RORA: variants seen among roughly 807,000 people sequenced by gnomAD.
RORA encodes the protein RAR related orphan receptor A.
In RORA, 7 loss-of-function variants were observed where a neutral mutation model predicts 69.5. The ratio of observed to expected loss-of-function variants is 0.10; its 90% confidence interval spans 0.06 to 0.19. RORA has a LOEUF of 0.19. RORA is among the 10% of genes least tolerant of loss of function. The probability of loss-of-function intolerance (pLI) is 1.00; values close to 1 mark genes in which losing one functional copy is unlikely to be tolerated. For missense variants in RORA, 457 were observed against 663.0 expected, an observed-to-expected ratio of 0.69 and a Z score of 3.41; for synonymous variants, 261 against 240.8, an observed-to-expected ratio of 1.08 and a Z score of -0.78.
At chr15:60,683,647 T>TACACACACACACAC (rs59854874) in intron 1 of RORA, among the ~76,000 whole-genome samples, 3,036 of 148,694 alleles carry the variant, frequency 0.02, 45 homozygotes, top group African/African-American at 0.045. Flanking sequence ...CAGATACACA[T>TACACACACACACAC]ACACACACAC....
chr15:61,208,946 G>C lies in RORA; in HGVS notation c.166+20107C>G, dbSNP rs141796754. Among the ~76,000 whole-genome samples, 12 of 152,258 alleles carry C rather than the reference G, an allele frequency of 7.9e-5. No individual in the cohort carries two copies. In the East Asian group the frequency reaches 2.3e-3, roughly 29 times the overall value. ...ATCATACTGGATAACCCATGATTTG[G>C]TTATTCTCTGCTTGCGTTAGTACTT... On this transcript the variant is annotated intron_variant, in intron 1 of 10. Coordinates refer to ENST00000335670, the MANE Select transcript of RORA (RefSeq NM_134261.3).
intron 3 of RORA, among the ~76,000 whole-genome samples, chr15:60,516,184 TTTA>T (rs2065932217): frequency 3.6e-5 from 1 of 28,042 alleles, no homozygotes; most frequent in Non-Finnish European, 5.5e-5. Context: ...TATATATATA[TTTA>T]TATATATATT....
chr15:61,080,492 A>G (rs762732018), intron 1 of RORA, among the ~76,000 whole-genome samples: 25 of 152,212 alleles, frequency 1.6e-4, no homozygotes, highest in Non-Finnish European at 2.6e-4. Context: ...GAATGGATGA[A>G]TGCAAATAGA....
chr15:61,198,343 T>C (rs1435819129), intron 1 of RORA, among the ~76,000 whole-genome samples: 2 of 152,148 alleles, frequency 1.3e-5, no homozygotes, highest in Non-Finnish European at 2.9e-5. Context: ...TCTAGGAAGA[T>C]AACCTAGATC....
At chr15:61,044,068 G>T (rs374430913) in intron 1 of RORA, among the ~76,000 whole-genome samples, 5 of 151,996 alleles carry the variant, frequency 3.3e-5, no homozygotes, top group African/African-American at 1.2e-4. Context: ...GGTTTAAAGA[G>T]ATTCCATTTT....
chr15:60,755,141 C>G (rs569654326), intron 1 of RORA, among the ~76,000 whole-genome samples: 28 of 126,516 alleles, frequency 2.2e-4, no homozygotes, highest in Non-Finnish European at 4.5e-4. Context: ...CCCCTCCCCC[C>G]ACCCCACAAC....
intron 1 of RORA, among the ~76,000 whole-genome samples, chr15:61,137,072 A>AAAGAAAGAAAGAAAGG: frequency 6.7e-6 from 1 of 149,448 alleles, no homozygotes; most frequent in Non-Finnish European, 1.5e-5. Flanking sequence ...AGAAAGAAAG[A>AAAGAAAGAAAGAAAGG]AAGAAAGAAA....
chr15:61,070,537 T>C (rs906772317), intron 1 of RORA, among the ~76,000 whole-genome samples: 1 of 152,210 alleles, frequency 6.6e-6, no homozygotes, highest in Admixed American at 6.5e-5. Flanking sequence ...TTGGACAGAT[T>C]TTTTCCACGG....
intron 1 of RORA, among the ~76,000 whole-genome samples, chr15:61,017,521 A>G (rs1555402045): frequency 6.6e-6 from 1 of 152,204 alleles, no homozygotes; most frequent in Non-Finnish European, 1.5e-5. Flanking sequence ...CTTAAAAAAA[A>G]GATGTACATA....
chr15:61,196,875 G>A (rs2079850316), intron 1 of RORA, among the ~76,000 whole-genome samples: 1 of 152,218 alleles, frequency 6.6e-6, no homozygotes, highest in African/African-American at 2.4e-5. Context: ...TGAGCACCGT[G>A]TTTGGATTAG....
At chr15:60,571,557 GCT>G (rs1369257556) in intron 2 of RORA, among the ~76,000 whole-genome samples, 1 of 152,124 alleles carries the variant, frequency 6.6e-6, no homozygotes, top group Non-Finnish European at 1.5e-5. Context: ...TTACATCTGA[GCT>G]CTCTGTGGCA....
chr15:60,511,680 C>T lies in RORA; in HGVS notation c.425-59G>A, dbSNP rs1370374309. ...ATGCGCTTTTCTTCAATATTCTCTC[C>T]TGCGAGCTTTGGGGTTTCCTTTGAA... On this transcript the variant is annotated intron_variant, in intron 4 of 10. Transcript: ENST00000335670. This position sits in a 1 kb window ranked among gnomAD's most constrained non-coding sequence, Gnocchi z 6.4. 3.3e-6 allele frequency: 5 copies of T among 1,504,918 alleles called. No homozygotes were observed. In the Admixed American group the frequency reaches 9.2e-5, roughly 28 times the overall value. 93.2% of individuals were successfully genotyped at this position (1,504,918 alleles called of 1,614,324 possible).
Position 61,131,629 on chromosome 15 carries a change from G to A in RORA, c.166+97424C>T, listed in dbSNP as rs377117847. Among the ~76,000 whole-genome samples the A allele has an allele frequency of 1.8e-4, 28 of 152,310 alleles. No homozygotes were observed. Among genetic ancestry groups the A allele is most frequent in the African/African-American group, 5.3e-4 (22 of 41,562 alleles). ...ACATGTGCTACACTACTGACTATCCGTTAGACAGTGCTTTAAGCACTTTTA... is the reference window on the plus strand; with the variant it reads ...ACATGTGCTACACTACTGACTATCCATTAGACAGTGCTTTAAGCACTTTTA... On this transcript the variant is annotated intron_variant, in intron 1 of 10. Transcript: ENST00000335670. This position sits in a 1 kb window ranked among gnomAD's most constrained non-coding sequence, Gnocchi z 4.2.
chr15:61,059,982 GGAAGAGGAAGAAGAAGAAGAAGAAGAA>G (rs2078155237), intron 1 of RORA, among the ~76,000 whole-genome samples: 20 of 77,424 alleles, frequency 2.6e-4, no homozygotes, highest in East Asian at 4.1e-4. Context: ...AAGAGGAAGA[GGAAGAGGAAGAAGAAGAAGAAGAAGAA>G]GAAGAAGAAG....
intron 10 of RORA, 47 bp downstream of exon 10, chr15:60,499,845 C>A: frequency 9.6e-7 from 1 of 1,042,346 alleles, no homozygotes; most frequent in Non-Finnish European, 1.4e-6. Context: ...ATGATTTGTG[C>A]CAGGGGATAG....
intron 2 of RORA, among the ~76,000 whole-genome samples, chr15:60,597,595 C>CATATATATATATATATATATATAT (rs1303389761): frequency 6.6e-5 from 2 of 30,404 alleles, no homozygotes; most frequent in African/African-American, 1.3e-4. Context: ...TATATATATA[C>CATATATATATATATATATATATAT]ACATATATAT....
intron 1 of RORA, among the ~76,000 whole-genome samples, chr15:61,110,479 A>G (rs2078995097): frequency 1.3e-5 from 2 of 151,848 alleles, no homozygotes; most frequent in South Asian, 4.2e-4. Flanking sequence ...TGGTTTGTGT[A>G]TTTATTATAA....
At position 60,492,678 on chromosome 15, in the gene RORA, G is replaced by T. The variant is rs2065064065; in HGVS notation, c.*4777C>A. 1 of 151,996 alleles carries T rather than the reference G, an allele frequency of 6.6e-6. No individual in the cohort carries two copies. Among genetic ancestry groups the T allele is most frequent in the South Asian group, 2.1e-4 (1 of 4,816 alleles). 9.4% of individuals were successfully genotyped at this position (151,996 alleles called of 1,614,324 possible). On this transcript the variant is annotated 3_prime_UTR_variant, in exon 11 of 11. Coordinates refer to ENST00000335670, the MANE Select transcript of RORA (RefSeq NM_134261.3). ...TGAATATTTTAATTATTAGAGAAAT[G>T]GTAACTGGAATATGCAAGGACTATA...
In RORA at chr15:60,676,361, C is replaced by G. The variant is rs142725897; in HGVS notation, c.196+2296G>C. On this transcript the variant is annotated intron_variant, in intron 2 of 10. Transcript: ENST00000335670. ...GACTTCCACTAACATGTAACTTGGA[C>G]AATTCAATTTCTCCTTGGCATATGT... is the stretch of plus-strand genomic sequence containing the variant. Among the ~76,000 whole-genome samples the G allele has an allele frequency of 1.2e-3, 181 of 152,282 alleles. 1 individual carries two copies. Among genetic ancestry groups the G allele is most frequent in the Non-Finnish European group, 1.8e-4 (12 of 68,016 alleles).
Sources: gnomAD v4.1 joint callset for allele counts (sites outside exome capture counted in the v4.1 genomes callset) on GRCh38, gnomAD v4.1.1 for gene constraint, Gnocchi (gnomAD v3.1) non-coding constraint, MANE v1.5 for transcripts, NCBI Gene and HGNC (gene_info 2026-07-23, HGNC 2026-07-21) for gene names.